The following SMG6 variants were observed in gnomAD, a reference collection of about 807,000 sequenced individuals.
SMG6 encodes telomerase-binding protein EST1A.
A neutral mutation model predicts 142.2 loss-of-function variants in SMG6; 66 were observed. That is an observed-to-expected ratio of 0.46 (90% CI 0.38 to 0.57). The LOEUF is 0.57. SMG6 is among the 20% of genes least tolerant of loss of function. SMG6 has a pLI of 0.00. For missense variants in SMG6, 1,793 were observed against 1,832.0 expected (o/e 0.98, Z 0.39); for synonymous variants, 779 against 702.4 (o/e 1.11, Z -1.72).
chr17:2,173,706 C>T (rs2071574648), intron 12 of SMG6, among the ~76,000 whole-genome samples: 1 of 152,186 alleles, frequency 6.6e-6, no homozygotes, highest in African/African-American at 2.4e-5. Flanking sequence ...AACCTTGAAA[C>T]TGCAAAGTCT....
intron 13 of SMG6, among the ~76,000 whole-genome samples, chr17:2,124,094 A>C (rs2069791941): frequency 6.6e-6 from 1 of 152,176 alleles, no homozygotes; most frequent in East Asian, 1.9e-4. Context: ...ATTCCAGAAC[A>C]ACAACCCAGG....
chr17:2,136,661 A>T (rs934885769), intron 13 of SMG6, among the ~76,000 whole-genome samples: 18 of 152,038 alleles, frequency 1.2e-4, no homozygotes, highest in African/African-American at 4.3e-4. Flanking sequence ...AAATAGCTGG[A>T]TTCATGGAAT....
chr17:2,266,514 T>C (rs1435024082), intron 8 of SMG6, among the ~76,000 whole-genome samples: 3 of 148,914 alleles, frequency 2.0e-5, no homozygotes, highest in Non-Finnish European at 3.0e-5. Flanking sequence ...CTGAGAGAGG[T>C]TTCTTCAGTG....
rs569193149 is a variant in SMG6, at chr17:2,220,581, G to A, written c.2869+15911C>T. Among the ~76,000 whole-genome samples, 10 of 152,334 alleles carry A rather than the reference G, an allele frequency of 6.6e-5. No individual in the cohort carries two copies. The East Asian group carries it at 1.9e-3, about 29-fold the overall frequency. On this transcript the variant is annotated intron_variant, in intron 10 of 18. Transcript: ENST00000263073. ...AGAGTTCGAGGCTGCAGTGAGCTAT[G>A]ATCATGCCACTGTACTCCAGCCTGG...
intron 8 of SMG6, among the ~76,000 whole-genome samples, chr17:2,277,136 T>C (rs965124925): frequency 7.4e-5 from 8 of 108,674 alleles, no homozygotes; most frequent in Admixed American, 3.9e-4. Flanking sequence ...TTTACACATT[T>C]ATTTATTTAT....
At chr17:2,127,529 T>C in intron 13 of SMG6, 1 of 635,448 alleles carries the variant, frequency 1.6e-6, no homozygotes, top group Non-Finnish European at 3.0e-6. Context: ...AGCATGGTTT[T>C]GGGGCCAGCA....
At chr17:2,288,748 T>C (rs538052726) in intron 6 of SMG6, among the ~76,000 whole-genome samples, 3 of 151,382 alleles carry the variant, frequency 2.0e-5, no homozygotes, top group Non-Finnish European at 2.9e-5. Flanking sequence ...CTGGATAACA[T>C]GGCGAAATCC....
At chr17:2,283,539 C>T (rs2074837150) in intron 7 of SMG6, 86 bp downstream of exon 7, 1 of 1,068,824 alleles carries the variant, frequency 9.4e-7, no homozygotes, top group East Asian at 2.4e-5. Context: ...GGCTACGATC[C>T]TGCCGGTGCG....
At chr17:2,220,249 A>G (rs1018127279) in intron 10 of SMG6, among the ~76,000 whole-genome samples, 3 of 152,334 alleles carry the variant, frequency 2.0e-5, no homozygotes, top group Admixed American at 6.5e-5. Context: ...TTTTATGTAC[A>G]GAGATGTTAA....
chr17:2,094,913 G>C (rs1043007915), intron 13 of SMG6: 4 of 152,156 alleles, frequency 2.6e-5, no homozygotes, highest in African/African-American at 7.2e-5. Flanking sequence ...AGAGCTCTCG[G>C]CTCCGGCTGT....
intron 13 of SMG6, among the ~76,000 whole-genome samples, chr17:2,154,480 CT>C (rs1436560096): frequency 2.0e-5 from 3 of 152,286 alleles, no homozygotes; most frequent in Admixed American, 1.3e-4. Flanking sequence ...TGTCCTTCAA[CT>C]TTTTCCTTGT....
chr17:2,175,296 G>A (rs944351904), intron 12 of SMG6, among the ~76,000 whole-genome samples: 3 of 152,226 alleles, frequency 2.0e-5, no homozygotes, highest in Admixed American at 6.5e-5. Flanking sequence ...GCCCTGGTTG[G>A]TGCGTGCAGG....
chr17:2,217,260 A>T (rs1450632734), intron 10 of SMG6, among the ~76,000 whole-genome samples: 2 of 152,166 alleles, frequency 1.3e-5, no homozygotes, highest in Non-Finnish European at 2.9e-5. Flanking sequence ...AAGTATTGTG[A>T]TAATTTCAGA....
intron 8 of SMG6, chr17:2,255,773 T>C (rs2074162486): frequency 4.8e-6 from 1 of 206,898 alleles, no homozygotes; most frequent in Non-Finnish European, 9.6e-6. Flanking sequence ...ATAGAGAAAT[T>C]AGATTGTTGC....
chr17:2,167,105 C>T (rs1225306640), intron 13 of SMG6, among the ~76,000 whole-genome samples: 8 of 113,952 alleles, frequency 7.0e-5, no homozygotes, highest in Non-Finnish European at 1.1e-4. Flanking sequence ...GCACTCCAGC[C>T]TGGGCGACAG....
intron 13 of SMG6, among the ~76,000 whole-genome samples, chr17:2,164,852 A>C (rs975934944): frequency 7.9e-5 from 12 of 151,982 alleles, no homozygotes; most frequent in Non-Finnish European, 1.8e-4. Context: ...CAGGAGAATT[A>C]CTTGAACCTG....
chr17:2,228,388 A>G (rs1351736070), intron 10 of SMG6, among the ~76,000 whole-genome samples: 4 of 148,312 alleles, frequency 2.7e-5, no homozygotes, highest in Non-Finnish European at 6.0e-5. Flanking sequence ...GCCACCGTGC[A>G]GGGCTAATTT....
intron 12 of SMG6, among the ~76,000 whole-genome samples, chr17:2,185,867 C>G (rs1429320172): frequency 6.6e-6 from 1 of 152,100 alleles, no homozygotes; most frequent in Admixed American, 6.5e-5. Flanking sequence ...TCAGCCTCCC[C>G]ACACGCTGCC....
chr17:2,266,340 C>T, intron 8 of SMG6: 1 of 208,390 alleles, frequency 4.8e-6, no homozygotes, highest in Non-Finnish European at 8.4e-6. Context: ...TTCTCATCAA[C>T]ACTCTCGGGG....
Sources: gnomAD v4.1 joint callset for allele counts (sites outside exome capture counted in the v4.1 genomes callset) on GRCh38, gnomAD v4.1.1 for gene constraint, MANE v1.5 for transcripts, NCBI Gene and HGNC (gene_info 2026-07-23, HGNC 2026-07-21) for gene names.